Variants in BDNF observed in about 807,000 individuals in gnomAD.
BDNF encodes the protein neurotrophic factor BDNF precursor form.
A neutral mutation model predicts 19.5 loss-of-function variants in BDNF; 1 was observed. The observed-to-expected ratio is 0.05, with a 90% CI of 0.02 to 0.24. The LOEUF is 0.24. Ranked by LOEUF, BDNF falls within the 10% of genes least tolerant of loss-of-function variation. BDNF has a pLI of 1.00. For missense variants in BDNF, 195 were observed against 317.6 expected (o/e 0.61, Z 2.93); for synonymous variants, 100 against 121.6 (o/e 0.82, Z 1.17).
Position 27,657,651 on chromosome 11 carries a change from T to G in BDNF, c.*170A>C. 7.0e-7 allele frequency: 1 copy of G among 1,432,256 alleles called. No homozygotes were observed. Among genetic ancestry groups the G allele is most frequent in the Non-Finnish European group, 9.1e-7 (1 of 1,100,116 alleles). The allele number at this position is 1,432,256 out of a possible 1,614,324, so 88.7% of individuals were successfully genotyped here. A position where few individuals can be genotyped will look rare whatever the true frequency, so the allele number is the denominator to read the frequency against. On this transcript the variant is annotated 3_prime_UTR_variant, in exon 2 of 2. Coordinates refer to ENST00000356660, the MANE Select transcript of BDNF (RefSeq NM_001709.5). The surrounding 1 kb of genome is among the most constrained non-coding windows in gnomAD (Gnocchi z 5.0). ...CAAATGACTGTTTCCCTTCTGGTCA[T>G]GGACATGTCCAATAAATAGATTGTA...
At chr11:27,718,349 A>G in intron 1 of BDNF, among the ~76,000 whole-genome samples, 1 of 110,826 alleles carries the variant, frequency 9.0e-6, no homozygotes, top group Admixed American at 9.1e-5. Context: ...CCCGTTCCGC[A>G]CACCACCCCC....
chr11:27,698,253 A>AAAAAAAAAAAAAAAATT (rs1859399484), intron 1 of BDNF: 1 of 138,146 alleles, frequency 7.2e-6, no homozygotes, highest in Non-Finnish European at 1.6e-5. Flanking sequence ...AAAAAAAAAA[A>AAAAAAAAAAAAAAAATT]AAAGTCTTAA....
chr11:27,702,452 C>T (rs1859948460), upstream of BDNF, among the ~76,000 whole-genome samples: 1 of 152,188 alleles, frequency 6.6e-6, no homozygotes, highest in Non-Finnish European at 1.5e-5. Flanking sequence ...CAAGCCCACA[C>T]CCAAATTCTG....
chr11:27,682,411 A>ATTATT lies in BDNF; in HGVS notation c.-22+17752_-22+17753insAATAA, dbSNP rs57076035. Among the ~76,000 whole-genome samples, 65 of 146,242 alleles carry ATTATT rather than the reference A, an allele frequency of 4.4e-4. No individual in the cohort carries two copies. The South Asian group carries it at 8.2e-3, about 18-fold the overall frequency. On this transcript the variant is annotated intron_variant, in intron 1 of 1. Coordinates refer to ENST00000356660, the MANE Select transcript of BDNF (RefSeq NM_001709.5). ...GTATTTCTTTTATTATTATTATTAT[A>ATTATT]ATAATAATAATAATACTTTTAAGTT...
At chr11:27,718,630 C>G (rs1020225446) in intron 1 of BDNF, among the ~76,000 whole-genome samples, 1 of 141,720 alleles carries the variant, frequency 7.1e-6, no homozygotes, top group African/African-American at 2.6e-5. Flanking sequence ...GATCTCGGAA[C>G]AATCTGTGCC....
At chr11:27,719,485 C>A in intron 1 of BDNF, 1 of 985,496 alleles carries the variant, frequency 1.0e-6, no homozygotes, top group African/African-American at 1.7e-5. Context: ...CTCCCCTTTC[C>A]CTGAGTTACC....
At chr11:27,662,692 A>C (rs1853653965) in intron 1 of BDNF, among the ~76,000 whole-genome samples, 1 of 152,234 alleles carries the variant, frequency 6.6e-6, no homozygotes, top group Non-Finnish European at 1.5e-5. Flanking sequence ...TGTGCAGTTC[A>C]CAACAGGGCT....
intron 1 of BDNF, chr11:27,699,312 C>T: frequency 6.3e-7 from 1 of 1,596,506 alleles, no homozygotes; most frequent in Non-Finnish European, 8.6e-7. Context: ...TGTAATCTCC[C>T]CTTCTTCTTG....
rs1854565756 is a variant in BDNF at position 27,667,518 on chromosome 11, G to A, written c.-21-8933C>T. Among the ~76,000 whole-genome samples, 3 of 152,292 alleles carry A rather than the reference G, an allele frequency of 2.0e-5. No individual in the cohort carries two copies. In the South Asian group the frequency reaches 6.2e-4, roughly 32 times the overall value. On this transcript the variant is annotated intron_variant, in intron 1 of 1. Transcript: ENST00000356660. ...ACCCATCAGTGTGCTGTATTCAGCA[G>A]ACCCATCTCATGTGCAGAGACGCAC...
intron 1 of BDNF, among the ~76,000 whole-genome samples, chr11:27,679,326 A>T (rs921752368): frequency 1.2e-4 from 19 of 152,214 alleles, no homozygotes. Flanking sequence ...TCTCAAGCCG[A>T]GGCCTCCTCT....
At chr11:27,671,831 C>G (rs993816231) in intron 1 of BDNF, among the ~76,000 whole-genome samples, 1 of 152,086 alleles carries the variant, frequency 6.6e-6, no homozygotes, top group Non-Finnish European at 1.5e-5. Context: ...TCAATCAGAT[C>G]CTGCATTTCA....
upstream of BDNF, chr11:27,701,720 G>A: frequency 1.7e-6 from 1 of 583,008 alleles, no homozygotes; most frequent in Non-Finnish European, 2.2e-6. Flanking sequence ...TCTAGTGCAC[G>A]AATTACCAGA....
chr11:27,720,285 A>G, intron 1 of BDNF: 1 of 976,032 alleles, frequency 1.0e-6, no homozygotes, highest in Non-Finnish European at 1.2e-6. Flanking sequence ...TCCTCTCCGG[A>G]AGACAGTATC....
At chr11:27,700,888 A>G (rs1859853370), upstream of BDNF, 1 of 1,299,556 alleles carries the variant, frequency 7.7e-7, no homozygotes, top group Non-Finnish European at 1.0e-6. Flanking sequence ...TCGCTCCCCT[A>G]GCTTTCAACT....
intron 1 of BDNF, among the ~76,000 whole-genome samples, chr11:27,717,328 G>C (rs1183440554): frequency 6.6e-6 from 1 of 152,146 alleles, no homozygotes; most frequent in Non-Finnish European, 1.5e-5. Flanking sequence ...CTAGTACTCT[G>C]GTTCAGTGAA....
At position 27,700,115 on chromosome 11, in the gene BDNF, C is replaced by G. The variant is rs561602533; in HGVS notation, c.-22+49G>C. 9.0e-5 allele frequency: 89 copies of G among 986,156 alleles called. No individual in the cohort carries two copies. The East Asian group carries it at 6.5e-3, about 72-fold the overall frequency. 61.1% of individuals were successfully genotyped at this position (986,156 alleles called of 1,614,324 possible). A position where few individuals can be genotyped will look rare whatever the true frequency, so the allele number is the denominator to read the frequency against. ...GGGGATCCCCCAGTCAACTCTCTCC[C>G]GCGGACGGGCAGCTCCTGCACCAAG... On this transcript the variant is annotated intron_variant, in intron 1 of 1. Transcript: ENST00000356660.
At chr11:27,718,194 C>CAAAATG (rs1402298939) in intron 1 of BDNF, among the ~76,000 whole-genome samples, 1 of 152,038 alleles carries the variant, frequency 6.6e-6, no homozygotes, top group African/African-American at 2.4e-5. Context: ...CAAGCTGCCT[C>CAAAATG]AAAATGTCAC....
intron 1 of BDNF, among the ~76,000 whole-genome samples, chr11:27,664,145 A>C (rs1853924870): frequency 6.6e-6 from 1 of 152,152 alleles, no homozygotes; most frequent in African/African-American, 2.4e-5. Context: ...CAGTCCTATA[A>C]AGATAATGGT....
chr11:27,697,944 CT>C (rs1859318618), intron 1 of BDNF: 1 of 152,056 alleles, frequency 6.6e-6, no homozygotes, highest in African/African-American at 2.4e-5. Flanking sequence ...TTTCTTTCTG[CT>C]TATATCATTT....
Sources: gnomAD v4.1 joint callset for allele counts (sites outside exome capture counted in the v4.1 genomes callset) on GRCh38, gnomAD v4.1.1 for gene constraint, Gnocchi (gnomAD v3.1) non-coding constraint, MANE v1.5 for transcripts, NCBI Gene and HGNC (gene_info 2026-07-23, HGNC 2026-07-21) for gene names.